The following SLCO1A2 variants were observed in gnomAD, a reference collection of about 807,000 sequenced individuals.
SLCO1A2 encodes the protein OATP-1.
A neutral mutation model predicts 69.0 loss-of-function variants in SLCO1A2; 67 were observed. The ratio of observed to expected loss-of-function variants is 0.97; its 90% confidence interval spans 0.80 to 1.19. The LOEUF is 1.19. Among genes scored for constraint, SLCO1A2 ranks in the 50% most tolerant of loss-of-function variants. The probability of loss-of-function intolerance (pLI) is 0.00; values close to 1 mark genes in which losing one functional copy is unlikely to be tolerated. For synonymous variants in SLCO1A2, 260 were observed against 265.9 expected (o/e 0.98, Z 0.22); for missense variants, 787 against 793.7 (o/e 0.99, Z 0.10).
Position 21,358,714 on chromosome 12 carries a change from G to A in SLCO1A2, c.-63+15685C>T, listed in dbSNP as rs929043066. Among the ~76,000 whole-genome samples, 11 of 151,218 alleles carry A rather than the reference G, an allele frequency of 7.3e-5. No individual in the cohort carries two copies. The East Asian group carries it at 2.1e-3, about 30-fold the overall frequency. ...CTACAAACAATAAATGAACAATATT[G>A]AAAAAATTAAAAGAAAAATAAAAAG... is the stretch of plus-strand genomic sequence containing the variant. On this transcript the variant is annotated intron_variant, in intron 2 of 15. Transcript: ENST00000307378.
chr12:21,383,844 T>C (rs1940733250), intron 1 of SLCO1A2, among the ~76,000 whole-genome samples: 1 of 152,186 alleles, frequency 6.6e-6, no homozygotes. Context: ...ATGAGTCATC[T>C]CTGTAATCCC....
chr12:21,413,813 G>A (rs1941949542), intron 1 of SLCO1A2, among the ~76,000 whole-genome samples: 1 of 152,112 alleles, frequency 6.6e-6, no homozygotes, highest in Admixed American at 6.5e-5. Context: ...CGGTAACAGA[G>A]GCGGCTGTTT....
Position 21,319,441 on chromosome 12 carries a change from A to G in SLCO1A2, c.61-518T>C, listed in dbSNP as rs745502618. 4 of 1,367,608 alleles carry G rather than the reference A, an allele frequency of 2.9e-6. No homozygotes were observed. The African/African-American group carries it at 5.9e-5, about 20-fold the overall frequency. 84.7% of individuals were successfully genotyped at this position (1,367,608 alleles called of 1,614,324 possible). ...TCAGAAACATTCTGCATTCTCAGCA[A>G]TGAGGGAAATATCCAGAACAATCTG... On this transcript the variant is annotated intron_variant, in intron 2 of 14. Coordinates refer to ENST00000683939, the MANE Select transcript of SLCO1A2 (RefSeq NM_001386879.1).
intron 1 of SLCO1A2, among the ~76,000 whole-genome samples, chr12:21,404,407 CT>C (rs1264755765): frequency 1.3e-5 from 2 of 152,076 alleles, no homozygotes; most frequent in African/African-American, 2.4e-5. Flanking sequence ...CCCTGACAGG[CT>C]CAAGTTTGTG....
chr12:21,371,459 T>C (rs1394126525), intron 2 of SLCO1A2, among the ~76,000 whole-genome samples: 3 of 152,184 alleles, frequency 2.0e-5, no homozygotes, highest in Non-Finnish European at 2.9e-5. Flanking sequence ...TGTAGAATCA[T>C]TGAATAATTA....
At chr12:21,370,436 G>A (rs914264558) in intron 2 of SLCO1A2, among the ~76,000 whole-genome samples, 14 of 150,564 alleles carry the variant, frequency 9.3e-5, no homozygotes, top group South Asian at 2.1e-4. Context: ...CCATCAACTC[G>A]TCATTTAACA....
chr12:21,359,123 A>G (rs1011237867), intron 2 of SLCO1A2, among the ~76,000 whole-genome samples: 1 of 152,200 alleles, frequency 6.6e-6, no homozygotes, highest in Non-Finnish European at 1.5e-5. Flanking sequence ...GCCATGGGAT[A>G]AGACTAAAAA....
chr12:21,307,023 G>T, intron 4 of SLCO1A2, 35 bp from the exon 5 acceptor site: 2 of 1,436,342 alleles, frequency 1.4e-6, no homozygotes, highest in Non-Finnish European at 2.0e-6. Context: ...TTTATTTTAA[G>T]AAAGTAATGA....
intron 2 of SLCO1A2, among the ~76,000 whole-genome samples, chr12:21,368,219 C>T (rs866033446): frequency 3.3e-5 from 5 of 152,028 alleles, no homozygotes; most frequent in Non-Finnish European, 5.9e-5. Flanking sequence ...TAATGGAAGC[C>T]GAATCATATC....
At chr12:21,396,921 G>A (rs1591915966), upstream of SLCO1A2, among the ~76,000 whole-genome samples, 1 of 151,758 alleles carries the variant, frequency 6.6e-6, no homozygotes, top group Admixed American at 6.6e-5. Flanking sequence ...CAAAATCATG[G>A]CAAAATGTAA....
chr12:21,280,295 A>C (rs890701940), intron 12 of SLCO1A2, among the ~76,000 whole-genome samples: 2 of 152,126 alleles, frequency 1.3e-5, no homozygotes, highest in Non-Finnish European at 2.9e-5. Flanking sequence ...AAAGTAGCTG[A>C]ATGGATTTAA....
At chr12:21,412,864 C>T (rs1235845580) in intron 1 of SLCO1A2, among the ~76,000 whole-genome samples, 4 of 152,138 alleles carry the variant, frequency 2.6e-5, no homozygotes, top group African/African-American at 7.2e-5. Flanking sequence ...GTGCTATGAC[C>T]TGTACACTTA....
At chr12:21,378,503 C>T (rs5484) in intron 1 of SLCO1A2, 202,637 of 1,183,784 alleles carry the variant, frequency 0.17, 18,281 homozygotes, top group Non-Finnish European at 0.18. Context: ...CTTTTCATCT[C>T]CAGTGTGAAT....
At position 21,314,452 on chromosome 12, in the gene SLCO1A2, A is replaced by G. The variant is rs1438638052; in HGVS notation, c.335+97T>C. On this transcript the variant is annotated intron_variant, in intron 4 of 14. Transcript: ENST00000683939. ...CTTCCCCTTCCCATTACAGTGCCCT[A>G]TGCTGTTGGAAAGCATTGCTCCTAG... The G allele has an allele frequency of 5.3e-6, 7 of 1,311,176 alleles. No homozygotes were observed. The South Asian group carries it at 6.4e-5, about 12-fold the overall frequency. 81.2% of individuals were successfully genotyped at this position (1,311,176 alleles called of 1,614,324 possible).
chr12:21,398,972 G>T (rs1436104894), upstream of SLCO1A2, among the ~76,000 whole-genome samples: 11 of 150,602 alleles, frequency 7.3e-5, no homozygotes, highest in South Asian at 4.2e-4. Context: ...CACAAGACAG[G>T]GATGCCCTCT....
intron 3 of SLCO1A2, among the ~76,000 whole-genome samples, chr12:21,318,000 T>C (rs1422408583): frequency 6.7e-6 from 1 of 149,792 alleles, no homozygotes; most frequent in Non-Finnish European, 1.5e-5. Context: ...TTCTTCTCTC[T>C]GTACTTAGAA....
intron 1 of SLCO1A2, among the ~76,000 whole-genome samples, chr12:21,391,402 T>C (rs1941144560): frequency 6.6e-6 from 1 of 152,076 alleles, no homozygotes; most frequent in Non-Finnish European, 1.5e-5. Context: ...TGGCAAAATA[T>C]ATATATAAGC....
chr12:21,400,560 A>G lies in SLCO1A2; in HGVS notation c.-312+17322T>C, dbSNP rs1326643928. ...CCAAACGACTATAAATCATGCTGCT[A>G]TAAAGACACATGCACATGTATGTTT... On this transcript the variant is annotated intron_variant, in intron 1 of 4. Transcript: ENST00000413682. Among the ~76,000 whole-genome samples the G allele has an allele frequency of 3.3e-5, 5 of 152,198 alleles. No homozygotes were observed. The East Asian group carries it at 7.7e-4, about 24-fold the overall frequency.
At chr12:21,391,273 G>A (rs996286875) in intron 1 of SLCO1A2, among the ~76,000 whole-genome samples, 5 of 152,002 alleles carry the variant, frequency 3.3e-5, no homozygotes, top group African/African-American at 7.2e-5. Context: ...ATTTATAGAG[G>A]AGCCCAAATT....
Sources: allele counts gnomAD v4.1 joint callset (sites outside exome capture counted in the v4.1 genomes callset), GRCh38; gene constraint gnomAD v4.1.1; transcripts MANE v1.5; gene names NCBI Gene and HGNC (gene_info 2026-07-23, HGNC 2026-07-21).